The following ARFGEF3 variants were observed in gnomAD, a reference collection of about 807,000 sequenced individuals.
The protein encoded by ARFGEF3 is brefeldin A-inhibited guanine nucleotide-exchange protein 3.
In ARFGEF3, 96 loss-of-function variants were observed where a neutral mutation model predicts 221.7. The ratio of observed to expected loss-of-function variants is 0.43; its 90% CI spans 0.37 to 0.51. The LOEUF is 0.51. ARFGEF3 is among the 20% of genes least tolerant of loss of function. ARFGEF3 has a pLI of 0.00. For missense variants in ARFGEF3, 2,410 were observed against 2,789.9 expected, an observed-to-expected ratio of 0.86 and a Z score of 3.07; for synonymous variants, 1,145 against 1,126.8, an observed-to-expected ratio of 1.02 and a Z score of -0.32.
rs765564506 is a variant in ARFGEF3 at position 138,298,624 on chromosome 6, A to G, written c.3667A>G (p.Arg1223Gly). The G allele has an allele frequency of 6.2e-7, 1 of 1,612,888 alleles. No individual in the cohort carries two copies. The highest frequency in any genetic ancestry group is 8.5e-7 in the Non-Finnish European group (1 of 1,179,490). Residue 1223 changes from arginine to glycine, a missense_variant, in exon 22 of 34, where the codon AGA (arginine) becomes GGA (glycine). Physicochemically the swap from Arg to Gly is moderately radical, Grantham distance 125. Around this residue, in one of 5 missense-constraint regions of ARFGEF3, gnomAD observed 723 missense variants for 991.9 expected, o/e 0.73. Coordinates refer to ENST00000251691, the MANE Select transcript of ARFGEF3 (RefSeq NM_020340.5). The part of the protein sequence containing the change: ...HLVEAACHKE[R>G]HVSQKAVSFI... The stretch of plus-strand genomic sequence containing the variant: ...TTTGCAGGCTGCTTGCCATAAGGAA[A>G]GACATGTGTCTCAGAAGGCTGTTTC...
chr6:138,280,278 C>T (rs1267381980), intron 14 of ARFGEF3, 114 bp downstream of exon 14: 2 of 979,018 alleles, frequency 2.0e-6, no homozygotes, highest in Non-Finnish European at 3.0e-6. Flanking sequence ...ACAGCACCCA[C>T]AAAGCTTCCC....
rs747402151 is a variant in ARFGEF3, at chr6:138,313,782, TA to T, written c.4201-12del. The T allele has an allele frequency of 1.2e-6, 2 of 1,610,668 alleles. No homozygotes were observed. Among genetic ancestry groups the T allele is most frequent in the South Asian group, 2.2e-5 (2 of 90,670 alleles). On this transcript the variant is annotated splice_polypyrimidine_tract_variant and intron_variant, in intron 25 of 33. Coordinates refer to ENST00000251691, the MANE Select transcript of ARFGEF3 (RefSeq NM_020340.5). ...AACATATAATTGCAGTTTGTCTTTT[TA>T]TTTTAATTTAGTTATTGGCCAAAAT... is the stretch of plus-strand genomic sequence containing the variant.
intron 2 of ARFGEF3, among the ~76,000 whole-genome samples, chr6:138,191,550 C>G (rs1370593092): frequency 2.6e-5 from 4 of 152,136 alleles, no homozygotes; most frequent in African/African-American, 9.7e-5. Context: ...TCCTTCTGTT[C>G]TGCACCTTGT....
intron 32 of ARFGEF3, among the ~76,000 whole-genome samples, chr6:138,331,463 T>TC (rs1437099454): frequency 6.6e-6 from 1 of 152,238 alleles, no homozygotes; most frequent in African/African-American, 2.4e-5. Context: ...GCCAGGTCCA[T>TC]CCTTTAGATG....
At chr6:138,218,516 A>C in intron 4 of ARFGEF3, 26 of 1,422,684 alleles carry the variant, frequency 1.8e-5, no homozygotes, top group Non-Finnish European at 2.4e-5. Context: ...TGATTCCACA[A>C]TCTAAGGAAA....
At chr6:138,228,556 C>A (rs1562360950) in intron 4 of ARFGEF3, among the ~76,000 whole-genome samples, 2 of 151,974 alleles carry the variant, frequency 1.3e-5, no homozygotes, top group Non-Finnish European at 2.9e-5. Context: ...GACTGAGGAG[C>A]ACACCTGCAA....
At chr6:138,307,478 A>C in intron 23 of ARFGEF3, 81 bp downstream of exon 23, 1 of 1,274,330 alleles carries the variant, frequency 7.8e-7, no homozygotes, top group Non-Finnish European at 1.1e-6. Flanking sequence ...AAAAAATTGA[A>C]CAATAGGGAA....
At chr6:138,304,610 A>G (rs1265802220) in intron 22 of ARFGEF3, among the ~76,000 whole-genome samples, 2 of 152,258 alleles carry the variant, frequency 1.3e-5, no homozygotes, top group Admixed American at 6.5e-5. Flanking sequence ...TTAAAGAATT[A>G]TGCTTAGACA....
intron 26 of ARFGEF3, among the ~76,000 whole-genome samples, chr6:138,315,210 G>A (rs907623592): frequency 6.6e-6 from 1 of 152,160 alleles, no homozygotes; most frequent in Non-Finnish European, 1.5e-5. Flanking sequence ...TGTGACTGTT[G>A]AAGCTGAAGG....
intron 12 of ARFGEF3, among the ~76,000 whole-genome samples, chr6:138,276,883 C>T (rs1387325545): frequency 6.6e-6 from 1 of 152,140 alleles, no homozygotes; most frequent in African/African-American, 2.4e-5. Context: ...GCAGGATGGT[C>T]TGGAACTCTT....
intron 22 of ARFGEF3, among the ~76,000 whole-genome samples, chr6:138,303,366 T>C (rs1431912128): frequency 6.6e-6 from 1 of 152,118 alleles, no homozygotes; most frequent in Non-Finnish European, 1.5e-5. Context: ...AGAAAACATA[T>C]AGCAAATGCC....
rs542640212 is a variant in ARFGEF3 at position 138,340,131 on chromosome 6, G to A, written c.*3645G>A. On this transcript the variant is annotated 3_prime_UTR_variant, in exon 34 of 34. Coordinates refer to ENST00000251691, the MANE Select transcript of ARFGEF3 (RefSeq NM_020340.5). The stretch of plus-strand genomic sequence containing the variant: ...TGTAATCCCAGCTACTCGGGAAGCT[G>A]AGGCAGGAGAATTGCTTGAACCTGG... The A allele has an allele frequency of 6.6e-6, 1 of 152,390 alleles. No homozygotes were observed. Among genetic ancestry groups the A allele is most frequent in the Non-Finnish European group, 1.5e-5 (1 of 68,070 alleles). The allele number at this position is 152,390 out of a possible 1,614,324, so 9.4% of individuals were successfully genotyped here.
intron 27 of ARFGEF3, among the ~76,000 whole-genome samples, chr6:138,319,495 C>T (rs1479477137): frequency 6.6e-6 from 1 of 151,984 alleles, no homozygotes; most frequent in Non-Finnish European, 1.5e-5. Flanking sequence ...AGTATATTCA[C>T]ATATTGCTCA....
intron 12 of ARFGEF3, among the ~76,000 whole-genome samples, chr6:138,274,696 G>T (rs1468254601): frequency 6.6e-6 from 1 of 151,204 alleles, no homozygotes; most frequent in Admixed American, 6.6e-5. Flanking sequence ...TCGGGAGGCT[G>T]AGGCAGGAGA....
At position 138,167,187 on chromosome 6, in the gene ARFGEF3, C is replaced by T. The variant is rs535704680; in HGVS notation, c.86-3475C>T. On this transcript the variant is annotated intron_variant, in intron 1 of 33. Coordinates refer to ENST00000251691, the MANE Select transcript of ARFGEF3 (RefSeq NM_020340.5). ...TCTTGGTTCTTGAGCCATTCTGTCT[C>T]CTTTGCTAGTGCCAGATTCTGTCCC... is the stretch of plus-strand genomic sequence containing the variant. Among the ~76,000 whole-genome samples, 82 of 152,294 alleles carry T rather than the reference C, an allele frequency of 5.4e-4. No individual in the cohort carries two copies. In the South Asian group the frequency reaches 0.016, roughly 29 times the overall value.
chr6:138,317,464 T>C, intron 27 of ARFGEF3, 85 bp downstream of exon 27: 4 of 1,515,722 alleles, frequency 2.6e-6, no homozygotes, highest in South Asian at 2.3e-5. Context: ...TGTCTGCCTG[T>C]TTTCACTGTT....
At chr6:138,239,081 A>C (rs1778346482) in intron 6 of ARFGEF3, among the ~76,000 whole-genome samples, 1 of 152,188 alleles carries the variant, frequency 6.6e-6, no homozygotes. Context: ...GGGTGAAACT[A>C]AACTTGTCTT....
In ARFGEF3 at chr6:138,292,070, T is replaced by C; in HGVS notation, c.3368+17T>C. On this transcript the variant is annotated intron_variant, in intron 19 of 33. Coordinates refer to ENST00000251691, the MANE Select transcript of ARFGEF3 (RefSeq NM_020340.5). Reference sequence around the variant, plus strand: ...AGCCGACAGGTGCGCGGCGCCGGCCTCCCACGCCCCGGGAGCCTGCTTACC... The same window carrying C: ...AGCCGACAGGTGCGCGGCGCCGGCCCCCCACGCCCCGGGAGCCTGCTTACC... 1 of 1,399,464 alleles carries C rather than the reference T, an allele frequency of 7.1e-7. No homozygotes were observed. Among genetic ancestry groups the C allele is most frequent in the Non-Finnish European group, 9.3e-7 (1 of 1,079,110 alleles). The allele number at this position is 1,399,464 out of a possible 1,614,324, so 86.7% of individuals were successfully genotyped here. A position where few individuals can be genotyped will look rare whatever the true frequency, so the allele number is the denominator to read the frequency against.
Position 138,328,108 on chromosome 6 carries a change from C to A in ARFGEF3, c.5089C>A (p.Pro1697Thr). Residue 1697 changes from proline to threonine, a missense_variant, in exon 32 of 34, where the codon CCT becomes ACT. By Grantham distance (38) the Pro-to-Thr change is conservative. This residue lies in a region of ARFGEF3 where 723 missense variants were observed against 991.9 expected (regional missense o/e 0.73). Coordinates refer to ENST00000251691, the MANE Select transcript of ARFGEF3 (RefSeq NM_020340.5). ...CTGCCAGCTCATTATTGAGCTGCCT[C>A]CTGATGAAAAACCAAATGGACACAC... The part of the protein sequence containing the change: ...QSCQLIIELP[P>T]DEKPNGHTKK... The A allele has an allele frequency of 6.3e-7, 1 of 1,588,500 alleles. No homozygotes were observed. Among genetic ancestry groups the A allele is most frequent in the Non-Finnish European group, 8.6e-7 (1 of 1,166,330 alleles).
Sources: gnomAD v4.1 joint callset for allele counts (sites outside exome capture counted in the v4.1 genomes callset) on GRCh38, gnomAD v4.1.1 for gene constraint, gnomAD v4.1.1 regional missense constraint, MANE v1.5 for transcripts, NCBI Gene and HGNC (gene_info 2026-07-23, HGNC 2026-07-21) for gene names.